Variants in DNAH5 observed in about 807,000 individuals in gnomAD.
DNAH5 encodes the protein axonemal beta dynein heavy chain 5.
A neutral mutation model predicts 518.2 loss-of-function variants in DNAH5; 372 were observed. The ratio of observed to expected loss-of-function variants is 0.72; its 90% CI spans 0.66 to 0.78. The LOEUF (loss-of-function observed/expected upper bound fraction) is 0.78. Ranked by LOEUF, DNAH5 falls within the 30% of genes least tolerant of loss-of-function variation. The pLI is 0.00. For synonymous variants in DNAH5, 2,039 were observed against 2,025.9 expected (o/e 1.01, Z -0.17); for missense variants, 5,523 against 5,687.0 (o/e 0.97, Z 0.93).
At chr5:13,762,953 A>G (rs1416112120) in intron 59 of DNAH5, 52 bp from the exon 60 acceptor site, 2 of 1,482,746 alleles carry the variant, frequency 1.3e-6, no homozygotes, top group Non-Finnish European at 1.9e-6. Flanking sequence ...CCATAAAGTC[A>G]TACTTGCATC....
chr5:13,826,710 T>A (rs1762936793), intron 38 of DNAH5, among the ~76,000 whole-genome samples: 2 of 152,216 alleles, frequency 1.3e-5, no homozygotes, highest in Non-Finnish European at 2.9e-5. Flanking sequence ...TATGTCTTTA[T>A]TAGCAACAGG....
At chr5:13,715,740 C>A (rs1485448547) in intron 74 of DNAH5, among the ~76,000 whole-genome samples, 1 of 152,200 alleles carries the variant, frequency 6.6e-6, no homozygotes, top group Non-Finnish European at 1.5e-5. Flanking sequence ...CCCACCTATT[C>A]CCAAACTGCC....
rs78063900 is a variant in DNAH5 at position 13,978,612 on chromosome 5, C to T, written c.12+33036G>A. On this transcript the variant is annotated intron_variant, in intron 1 of 78. Coordinates refer to the DNAH5 transcript ENST00000681290. The stretch of plus-strand genomic sequence containing the variant: ...ATTATAATGCCATATGTTTACCATG[C>T]CTTTTCTATGTTTAGATACACAAAT... 7.5e-3 allele frequency among the ~76,000 whole-genome samples: 1,149 copies of T among 152,322 alleles called. 9 individuals carry two copies. Among genetic ancestry groups the T allele is most frequent in the Non-Finnish European group, 0.011 (749 of 68,032 alleles).
intron 21 of DNAH5, 103 bp downstream of exon 21, chr5:13,882,625 G>A: frequency 1.1e-6 from 1 of 911,698 alleles, no homozygotes; most frequent in Non-Finnish European, 1.7e-6. Flanking sequence ...TTAATATTCT[G>A]ATGTAAAATA....
intron 1 of DNAH5, among the ~76,000 whole-genome samples, chr5:13,984,992 G>T (rs1019772426): frequency 6.6e-6 from 1 of 152,052 alleles, no homozygotes; most frequent in Non-Finnish European, 1.5e-5. Context: ...TGTTTATTGC[G>T]GCACTACTCA....
intron 13 of DNAH5, 113 bp from the exon 14 acceptor site, chr5:13,901,686 G>T: frequency 1.5e-6 from 1 of 662,540 alleles, no homozygotes; most frequent in Non-Finnish European, 2.3e-6. Context: ...AAATGCTAAT[G>T]GAAAAGAATG....
Position 13,810,102 on chromosome 5 carries a change from C to T in DNAH5, c.7566G>A (p.Ala2522=), listed in dbSNP as rs774555838. The T allele has an allele frequency of 3.9e-6, 6 of 1,551,662 alleles. No individual in the cohort carries two copies. The highest frequency in any genetic ancestry group is 2.6e-6 in the Non-Finnish European group (3 of 1,148,010). The part of the protein sequence containing the change: ...PTGTLELPPP[A]GPGDTAFDYY... ...AGTCGAAGGCGGTGTCCCCGGGCCCCGCTGGCGGCGGCAGCTCCAGCGTCC... is the reference window on the plus strand; with the variant it reads ...AGTCGAAGGCGGTGTCCCCGGGCCCTGCTGGCGGCGGCAGCTCCAGCGTCC... Residue 2522 remains alanine (A), a synonymous_variant, in exon 45 of 79, where the codon GCG becomes GCA. Coordinates refer to ENST00000265104, the MANE Select transcript of DNAH5 (RefSeq NM_001369.3).
At chr5:13,816,969 G>A (rs1192571847) in intron 42 of DNAH5, among the ~76,000 whole-genome samples, 4 of 152,224 alleles carry the variant, frequency 2.6e-5, no homozygotes, top group East Asian at 3.9e-4. Flanking sequence ...TATATTCTGA[G>A]AACATTGGGT....
intron 41 of DNAH5, 135 bp from the exon 42 acceptor site, chr5:13,817,829 G>C (rs537136696): frequency 4.0e-6 from 3 of 752,592 alleles, no homozygotes; most frequent in South Asian, 3.6e-5. Context: ...TTGAAAATAT[G>C]TCTTACTGCA....
intron 1 of DNAH5, among the ~76,000 whole-genome samples, chr5:14,011,623 C>T (rs1195690065): frequency 6.6e-6 from 1 of 152,090 alleles, no homozygotes; most frequent in Non-Finnish European, 1.5e-5. Context: ...GCGTGGGAGC[C>T]GCGTGGCCCG....
intron 65 of DNAH5, among the ~76,000 whole-genome samples, chr5:13,738,625 C>T (rs7710301): frequency 0.32 from 48,368 of 151,766 alleles, 7,866 homozygotes; most frequent in South Asian, 0.47. Context: ...GAGGGAGAGA[C>T]AGAGGAAGAG....
At chr5:13,899,973 C>T (rs1774363530) in intron 15 of DNAH5, 2 of 546,172 alleles carry the variant, frequency 3.7e-6, no homozygotes, top group Non-Finnish European at 6.5e-6. Context: ...CGAAATCCTC[C>T]AATGGTTTCC....
At chr5:13,993,652 C>T (rs1040799495) in intron 1 of DNAH5, among the ~76,000 whole-genome samples, 1 of 152,166 alleles carries the variant, frequency 6.6e-6, no homozygotes, top group Non-Finnish European at 1.5e-5. Flanking sequence ...TCTTATATCC[C>T]GTCTTCCAAA....
At chr5:13,794,604 T>C (rs1165551782) in intron 47 of DNAH5, among the ~76,000 whole-genome samples, 1 of 152,188 alleles carries the variant, frequency 6.6e-6, no homozygotes, top group South Asian at 2.1e-4. Context: ...CTCACTTATG[T>C]CTTCTCTCTC....
upstream of DNAH5, among the ~76,000 whole-genome samples, chr5:13,945,517 T>C (rs1215878616): frequency 3.3e-5 from 5 of 152,236 alleles, no homozygotes; most frequent in Non-Finnish European, 5.9e-5. Context: ...GGCCTCCATA[T>C]GTCAGGTTAA....
chr5:13,748,948 T>A lies in DNAH5; in HGVS notation c.11211+2130A>T, dbSNP rs527982841. Among the ~76,000 whole-genome samples, 322 of 152,034 alleles carry A rather than the reference T, an allele frequency of 2.1e-3. 3 individuals are homozygous for A. The highest frequency in any genetic ancestry group is 7.5e-3 in the African/African-American group (311 of 41,494). ...AGGCACACATAAGACTCTTTCCAAT[T>A]GAGTAACTAGATTGTAGGAAATGAC... On this transcript the variant is annotated intron_variant, in intron 65 of 78. Coordinates refer to ENST00000265104, the MANE Select transcript of DNAH5 (RefSeq NM_001369.3).
chr5:13,834,896 G>T (rs1007501687), intron 35 of DNAH5, among the ~76,000 whole-genome samples: 4 of 152,200 alleles, frequency 2.6e-5, no homozygotes, highest in African/African-American at 9.6e-5. Context: ...AAGTTTTGGG[G>T]CAAAGGATCT....
chr5:13,961,961 G>C (rs940227653), intron 1 of DNAH5, among the ~76,000 whole-genome samples: 3 of 152,164 alleles, frequency 2.0e-5, no homozygotes, highest in Non-Finnish European at 2.9e-5. Flanking sequence ...TCAATGCAAA[G>C]CAGGTGCCAG....
At chr5:13,858,568 TAA>T (rs33921536) in intron 30 of DNAH5, among the ~76,000 whole-genome samples, 27 of 151,764 alleles carry the variant, frequency 1.8e-4, no homozygotes, top group Admixed American at 1.6e-3. Context: ...AAATATAATT[TAA>T]AAAAAAAATC....
Sources: gnomAD v4.1 joint callset for allele counts (sites outside exome capture counted in the v4.1 genomes callset) on GRCh38, gnomAD v4.1.1 for gene constraint, MANE v1.5 for transcripts, NCBI Gene and HGNC (gene_info 2026-07-23, HGNC 2026-07-21) for gene names.